SUSD1: variants seen among roughly 807,000 people sequenced by gnomAD.
SUSD1 encodes sushi domain-containing protein 1.
A neutral mutation model predicts 86.9 loss-of-function variants in SUSD1; 65 were observed. That is an observed-to-expected ratio of 0.75 (90% CI 0.61 to 0.92). The LOEUF (loss-of-function observed/expected upper bound fraction) is 0.92. Ranked by LOEUF, SUSD1 falls within the 40% of genes least tolerant of loss-of-function variation. SUSD1 has a pLI of 0.00. For missense variants in SUSD1, 850 were observed against 929.7 expected, an observed-to-expected ratio of 0.91 and a Z score of 1.11; for synonymous variants, 346 against 350.0, an observed-to-expected ratio of 0.99 and a Z score of 0.13.
At chr9:112,066,273 G>T (rs1351977974) in intron 12 of SUSD1, among the ~76,000 whole-genome samples, 1 of 152,038 alleles carries the variant, frequency 6.6e-6, no homozygotes, top group Non-Finnish European at 1.5e-5. Flanking sequence ...GGGGTCCTGG[G>T]GTGTCAAACA....
At chr9:112,062,556 G>A (rs1828775958) in intron 13 of SUSD1, among the ~76,000 whole-genome samples, 1 of 152,108 alleles carries the variant, frequency 6.6e-6, no homozygotes, top group African/African-American at 2.4e-5. Flanking sequence ...TTAGCCAGGT[G>A]TGGTGGTGCA....
chr9:112,159,706 G>C (rs1833484643), intron 1 of SUSD1, among the ~76,000 whole-genome samples: 1 of 151,918 alleles, frequency 6.6e-6, no homozygotes, highest in Admixed American at 6.6e-5. Flanking sequence ...TTAACACTAG[G>C]TATAAAAACA....
rs757616985 is a variant in SUSD1, at chr9:112,149,304, C to T, written c.313G>A (p.Gly105Arg). 6.2e-7 allele frequency: 1 copy of T among 1,614,142 alleles called. No homozygotes were observed. Among genetic ancestry groups the T allele is most frequent in the African/African-American group, 1.3e-5 (1 of 75,034 alleles). ...TTGTTGTTGTTTGTGGCTCGATATC[C>T]TTCCAGGCAAATGCAATAGAAGCCC... is the stretch of plus-strand genomic sequence containing the variant. ...PGGFYCICLE[G>R]YRATNNNKTF... Residue 105 changes from glycine (G) to arginine (R), a missense_variant, in exon 3 of 17, where the codon GGA (glycine) becomes AGA (arginine). Coordinates refer to ENST00000374270, the MANE Select transcript of SUSD1 (RefSeq NM_022486.5).
At chr9:112,136,583 T>C (rs1056674479) in intron 5 of SUSD1, among the ~76,000 whole-genome samples, 3 of 152,164 alleles carry the variant, frequency 2.0e-5, no homozygotes, top group African/African-American at 7.2e-5. Context: ...GGAACACAGA[T>C]GGCAGACACA....
intron 1 of SUSD1, among the ~76,000 whole-genome samples, chr9:112,169,049 A>C (rs1396373784): frequency 1.3e-5 from 2 of 152,130 alleles, no homozygotes. Context: ...AAGAGATTGC[A>C]CCAAATTCCA....
At chr9:112,161,296 C>T (rs1220559194) in intron 1 of SUSD1, among the ~76,000 whole-genome samples, 1 of 151,730 alleles carries the variant, frequency 6.6e-6, no homozygotes, top group African/African-American at 2.4e-5. Context: ...AGGGGAATCA[C>T]TTGAACCCTG....
intron 5 of SUSD1, among the ~76,000 whole-genome samples, chr9:112,127,247 G>C (rs928752660): frequency 6.6e-6 from 1 of 152,068 alleles, no homozygotes; most frequent in Admixed American, 6.6e-5. Context: ...TGGCACATGC[G>C]CCTGTAATCC....
chr9:112,146,552 TTC>T (rs1209213987), intron 3 of SUSD1, among the ~76,000 whole-genome samples: 2 of 151,998 alleles, frequency 1.3e-5, no homozygotes, highest in African/African-American at 4.8e-5. Flanking sequence ...AAATATTTTT[TTC>T]TCTTTCCTCT....
chr9:112,158,107 A>G (rs893795792), intron 1 of SUSD1, among the ~76,000 whole-genome samples: 1 of 151,854 alleles, frequency 6.6e-6, no homozygotes, highest in African/African-American at 2.4e-5. Context: ...TACAGGCGTG[A>G]GCCACCGAGC....
chr9:112,083,132 A>T (rs1829835928), intron 10 of SUSD1, among the ~76,000 whole-genome samples: 1 of 152,244 alleles, frequency 6.6e-6, no homozygotes, highest in Non-Finnish European at 1.5e-5. Context: ...TAGAAAAATA[A>T]AAAGATCCAT....
At chr9:112,046,004 T>C (rs981566570) in intron 15 of SUSD1, among the ~76,000 whole-genome samples, 2 of 152,254 alleles carry the variant, frequency 1.3e-5, no homozygotes, top group African/African-American at 4.8e-5. Context: ...GGCACAACTA[T>C]TCCTTACTCT....
At chr9:112,123,309 A>T (rs1258601461) in intron 6 of SUSD1, among the ~76,000 whole-genome samples, 1 of 152,144 alleles carries the variant, frequency 6.6e-6, no homozygotes, top group Non-Finnish European at 1.5e-5. Flanking sequence ...AGCCAGAAAG[A>T]GAGAAGGAGG....
At chr9:112,117,329 T>C (rs1244232764) in intron 6 of SUSD1, among the ~76,000 whole-genome samples, 1 of 152,138 alleles carries the variant, frequency 6.6e-6, no homozygotes, top group Non-Finnish European at 1.5e-5. Context: ...CAGGATTAGA[T>C]CTGTGGTTTG....
At chr9:112,043,407 C>T (rs550407083) in intron 15 of SUSD1, among the ~76,000 whole-genome samples, 10 of 152,216 alleles carry the variant, frequency 6.6e-5, no homozygotes, top group African/African-American at 1.4e-4. Context: ...AGGACAGCTT[C>T]GACTCTGTGA....
Position 112,113,840 on chromosome 9 carries a change from G to A in SUSD1, c.887-972C>T, listed in dbSNP as rs981788062. On this transcript the variant is annotated intron_variant, in intron 6 of 16. Coordinates refer to ENST00000374270, the MANE Select transcript of SUSD1 (RefSeq NM_022486.5). The surrounding 1 kb of genome is among the most constrained non-coding windows in gnomAD (Gnocchi z 4.1). The stretch of plus-strand genomic sequence containing the variant: ...TCAACTACCTGGGAGGCTGAGGCAG[G>A]AGAATCACTTGAACCTGGGAGGCAG... Among the ~76,000 whole-genome samples the A allele has an allele frequency of 7.9e-5, 12 of 152,116 alleles. No individual in the cohort carries two copies. Among genetic ancestry groups the A allele is most frequent in the Admixed American group, 7.9e-4 (12 of 15,264 alleles).
chr9:112,115,824 G>GAAAAAAAAAAAAAAAAA (rs58111856), intron 6 of SUSD1, among the ~76,000 whole-genome samples: 2 of 120,956 alleles, frequency 1.7e-5, no homozygotes, highest in Non-Finnish European at 3.2e-5. Flanking sequence ...AAAAAAAAAA[G>GAAAAAAAAAAAAAAAAA]AAAAAAAAAA....
chr9:112,151,235 G>A (rs997403929), intron 2 of SUSD1, among the ~76,000 whole-genome samples: 1 of 152,118 alleles, frequency 6.6e-6, no homozygotes, highest in Non-Finnish European at 1.5e-5. Flanking sequence ...ACAGGTGTGA[G>A]CCACCACATC....
At chr9:112,110,489 T>TG (rs950959740) in intron 8 of SUSD1, among the ~76,000 whole-genome samples, 4 of 151,828 alleles carry the variant, frequency 2.6e-5, no homozygotes, top group Non-Finnish European at 5.9e-5. Context: ...CTTGAACAAG[T>TG]GATCCTCTCG....
intron 1 of SUSD1, among the ~76,000 whole-genome samples, chr9:112,174,892 A>C (rs7021232): frequency 0.28 from 42,373 of 151,382 alleles, 6,724 homozygotes; most frequent in Admixed American, 0.36. Flanking sequence ...GCCGCCTTAA[A>C]ACCGGCGTCC....
Sources: allele counts gnomAD v4.1 joint callset (sites outside exome capture counted in the v4.1 genomes callset), GRCh38; gene constraint gnomAD v4.1.1; non-coding constraint Gnocchi (gnomAD v3.1); transcripts MANE v1.5; gene names NCBI Gene and HGNC (gene_info 2026-07-23, HGNC 2026-07-21).